Variants in MIDEAS observed in about 807,000 individuals in gnomAD.
The protein encoded by MIDEAS is mitotic deacetylase associated SANT domain protein, also known as mitotic deacetylase-associated SANT domain protein.
MIDEAS carries 26 observed loss-of-function variants against 102.7 expected under a neutral mutation model. The ratio of observed to expected loss-of-function variants is 0.25; its 90% CI spans 0.19 to 0.35. The LOEUF is 0.35. Among genes scored for constraint, MIDEAS ranks in the 10% least tolerant of loss-of-function variants. MIDEAS has a pLI of 1.00. For synonymous variants in MIDEAS, 585 were observed against 591.0 expected (o/e 0.99, Z 0.15); for missense variants, 1,231 against 1,435.6 (o/e 0.86, Z 2.30).
intron 1 of MIDEAS, among the ~76,000 whole-genome samples, chr14:73,773,377 G>C (rs2053659337): frequency 6.6e-6 from 1 of 151,774 alleles, no homozygotes; most frequent in Non-Finnish European, 1.5e-5. Context: ...GAGAGGTGTG[G>C]GTAGGAAGGT....
At chr14:73,771,233 C>CTT (rs2053639441) in intron 1 of MIDEAS, among the ~76,000 whole-genome samples, 1 of 152,240 alleles carries the variant, frequency 6.6e-6, no homozygotes, top group African/African-American at 2.4e-5. Flanking sequence ...AAACTCCAGT[C>CTT]TTTGACAGTT....
Position 73,751,284 on chromosome 14 carries a change from A to T in MIDEAS, c.-248+8479T>A, listed in dbSNP as rs138091165. On this transcript the variant is annotated intron_variant, in intron 1 of 12. Transcript: ENST00000423556. ...GCACCTAGGCCTGCCTGTTCTGCAAACTTCCTCCCCCAAGAGTTTCAGACT... is the reference window on the plus strand; with the variant it reads ...GCACCTAGGCCTGCCTGTTCTGCAATCTTCCTCCCCCAAGAGTTTCAGACT... 3.8e-3 allele frequency among the ~76,000 whole-genome samples: 584 copies of T among 152,346 alleles called. 3 individuals carry two copies. Among genetic ancestry groups the T allele is most frequent in the African/African-American group, 0.013 (558 of 41,574 alleles).
At chr14:73,746,946 A>T (rs185728740) in intron 1 of MIDEAS, among the ~76,000 whole-genome samples, 17 of 152,218 alleles carry the variant, frequency 1.1e-4, no homozygotes, top group Admixed American at 1.1e-3. Flanking sequence ...CGCTAATTAT[A>T]ATGCAAGGAA....
At chr14:73,772,163 C>T (rs1398783194) in intron 1 of MIDEAS, among the ~76,000 whole-genome samples, 4 of 152,192 alleles carry the variant, frequency 2.6e-5, no homozygotes, top group African/African-American at 7.2e-5. Flanking sequence ...CATGCAGTGC[C>T]GGTAGCTGAT....
intron 7 of MIDEAS, 28 bp downstream of exon 7, chr14:73,726,576 C>A: frequency 6.2e-7 from 1 of 1,606,662 alleles, no homozygotes. Context: ...ACTGAGGGGC[C>A]CTCCCTCTGC....
In MIDEAS at chr14:73,721,392, C is replaced by T; in HGVS notation, c.2842G>A (p.Glu948Lys). The T allele has an allele frequency of 6.2e-7, 1 of 1,614,158 alleles. No individual in the cohort carries two copies. Among genetic ancestry groups the T allele is most frequent in the Non-Finnish European group, 8.5e-7 (1 of 1,180,014 alleles). ...PRKEGEEEVPEIQEKEEQEEG... is the reference protein window; with the variant it reads ...PRKEGEEEVPKIQEKEEQEEG... ...TCCTGCTCCTCCTTCTCTTGGATCTCTGGCACCTCCTCCTCCCCCTCCTTC... is the reference window on the plus strand; with the variant it reads ...TCCTGCTCCTCCTTCTCTTGGATCTTTGGCACCTCCTCCTCCCCCTCCTTC... Residue 948 changes from glutamate (E) to lysine (K), a missense_variant, in exon 11 of 13, where the codon GAG (glutamate) becomes AAG (lysine). Physicochemically the swap from Glu to Lys is moderately conservative, Grantham distance 56. Coordinates refer to ENST00000423556, the MANE Select transcript of MIDEAS (RefSeq NM_001367710.1).
intron 1 of MIDEAS, among the ~76,000 whole-genome samples, chr14:73,772,201 T>C (rs1448683396): frequency 6.6e-6 from 1 of 152,238 alleles, no homozygotes; most frequent in Non-Finnish European, 1.5e-5. Flanking sequence ...GTTTTCCTGG[T>C]AGTAACAGAT....
intron 1 of MIDEAS, among the ~76,000 whole-genome samples, chr14:73,782,359 CTA>C (rs147360312): frequency 7.3e-5 from 11 of 150,626 alleles, no homozygotes; most frequent in South Asian, 4.2e-4. Context: ...TCCTCACAGT[CTA>C]TATATATATA....
At chr14:73,776,000 G>A (rs1166705513) in intron 1 of MIDEAS, among the ~76,000 whole-genome samples, 1 of 151,972 alleles carries the variant, frequency 6.6e-6, no homozygotes, top group East Asian at 1.9e-4. Flanking sequence ...TTAGACACCA[G>A]GCGCCTCAAC....
At chr14:73,730,723 TG>T in intron 3 of MIDEAS, among the ~76,000 whole-genome samples, 1 of 149,068 alleles carries the variant, frequency 6.7e-6, no homozygotes, top group South Asian at 2.1e-4. Flanking sequence ...GAGGTCGAGG[TG>T]GGGGGGAGGG....
At chr14:73,721,276 G>C (rs748593689) in intron 11 of MIDEAS, 21 bp downstream of exon 11, 51 of 1,609,274 alleles carry the variant, frequency 3.2e-5, no homozygotes, top group Admixed American at 8.3e-5. Flanking sequence ...CCTGGGCTCA[G>C]CCCATGGTGG....
chr14:73,730,987 T>C (rs2053131190), intron 3 of MIDEAS, among the ~76,000 whole-genome samples: 1 of 150,134 alleles, frequency 6.7e-6, no homozygotes, highest in South Asian at 2.1e-4. Context: ...GAAAAAAAAA[T>C]GGAATGGACA....
Position 73,738,906 on chromosome 14 carries a change from C to T in MIDEAS, c.1103G>A (p.Gly368Glu). ...GAACAGGTTGCCAGTGGCCTCCTGC[C>T]CAGGCTGGGTGCCAGCCCCATCCAG... ...SALDGAGTQP[G>E]QEATGNLFLH... Residue 368 changes from glycine to glutamate, a missense_variant, in exon 2 of 13, where the codon GGG (glycine) becomes GAG (glutamate). By Grantham distance (98) the Gly-to-Glu change is moderately conservative. Coordinates refer to ENST00000423556, the MANE Select transcript of MIDEAS (RefSeq NM_001367710.1). 1 of 1,537,566 alleles carries T rather than the reference C, an allele frequency of 6.5e-7. No homozygotes were observed. The highest frequency in any genetic ancestry group is 2.1e-5 in the Admixed American group (1 of 48,194).
chr14:73,744,206 T>C (rs2053320068), intron 1 of MIDEAS, among the ~76,000 whole-genome samples: 1 of 152,240 alleles, frequency 6.6e-6, no homozygotes, highest in African/African-American at 2.4e-5. Context: ...CCAAATGCCA[T>C]CGGCAGCCCA....
chr14:73,730,113 G>A, intron 3 of MIDEAS, 128 bp from the exon 4 acceptor site: 1 of 977,692 alleles, frequency 1.0e-6, no homozygotes, highest in Non-Finnish European at 1.6e-6. Flanking sequence ...AGGCAAGCCT[G>A]AAAAAAGGAG....
chr14:73,774,033 A>G (rs2053667227), intron 1 of MIDEAS, among the ~76,000 whole-genome samples: 2 of 151,362 alleles, frequency 1.3e-5, no homozygotes, highest in Admixed American at 6.6e-5. Context: ...AAAAAAAAAA[A>G]AAAAAGAAAA....
At chr14:73,719,804 T>C in intron 11 of MIDEAS, among the ~76,000 whole-genome samples, 1 of 99,932 alleles carries the variant, frequency 1.0e-5, no homozygotes, top group East Asian at 1.2e-3. Flanking sequence ...CACCTACCTG[T>C]TGATGTTTTC....
intron 3 of MIDEAS, among the ~76,000 whole-genome samples, chr14:73,734,070 T>C (rs370794477): frequency 6.6e-6 from 1 of 150,392 alleles, no homozygotes; most frequent in South Asian, 2.1e-4. Flanking sequence ...CTGCAACCTC[T>C]GCCTCCCGGG....
upstream of MIDEAS, among the ~76,000 whole-genome samples, chr14:73,764,517 T>A (rs2053579204): frequency 6.6e-6 from 1 of 152,156 alleles, no homozygotes; most frequent in Admixed American, 6.5e-5. Context: ...TCTCCCAGCC[T>A]GTTCTTTGTG....
Sources: allele counts gnomAD v4.1 joint callset (sites outside exome capture counted in the v4.1 genomes callset), GRCh38; gene constraint gnomAD v4.1.1; transcripts MANE v1.5; gene names NCBI Gene and HGNC (gene_info 2026-07-23, HGNC 2026-07-21).